The following TNRC6B variants were observed in gnomAD, a reference collection of about 807,000 sequenced individuals.
TNRC6B encodes the protein trinucleotide repeat-containing gene 6B protein.
TNRC6B carries 52 observed loss-of-function variants against 203.6 expected under a neutral mutation model. The ratio of observed to expected loss-of-function variants is 0.26; its 90% CI spans 0.20 to 0.32. The LOEUF (loss-of-function observed/expected upper bound fraction) is 0.32, where lower values mean the gene tolerates loss of function less well. Ranked by LOEUF, TNRC6B falls within the 10% of genes least tolerant of loss-of-function variation. The probability of loss-of-function intolerance (pLI) is 1.00; values close to 1 mark genes in which losing one functional copy is unlikely to be tolerated. For missense variants in TNRC6B, 1,923 were observed against 2,286.2 expected, an observed-to-expected ratio of 0.84 and a Z score of 3.24; for synonymous variants, 838 against 845.7, an observed-to-expected ratio of 0.99 and a Z score of 0.16.
At chr22:40,216,560 C>G (rs758047452) in intron 1 of TNRC6B, among the ~76,000 whole-genome samples, 7 of 152,088 alleles carry the variant, frequency 4.6e-5, no homozygotes, top group African/African-American at 9.7e-5. Flanking sequence ...TGTAGTGAGT[C>G]TAGATGGCGT....
chr22:40,079,074 CA>C (rs551541709), intron 1 of TNRC6B, among the ~76,000 whole-genome samples: 48 of 140,640 alleles, frequency 3.4e-4, no homozygotes, highest in Admixed American at 5.0e-4. Flanking sequence ...AACTCTGTCT[CA>C]AAAAAAAAAA....
intron 15 of TNRC6B, among the ~76,000 whole-genome samples, chr22:40,305,697 C>A (rs937714414): frequency 6.6e-6 from 1 of 152,084 alleles, no homozygotes; most frequent in Admixed American, 6.5e-5. Context: ...TTTCTCTTAC[C>A]CCTTGGATTA....
intron 5 of TNRC6B, among the ~76,000 whole-genome samples, chr22:40,267,881 G>C (rs2070502817): frequency 6.7e-6 from 1 of 149,006 alleles, no homozygotes; most frequent in Non-Finnish European, 1.5e-5. Flanking sequence ...AAAAAAAAAA[G>C]AGCGATTGTT....
In TNRC6B at chr22:40,325,316, A is replaced by C. The variant is rs2071388371; in HGVS notation, c.*2075A>C. On this transcript the variant is annotated 3_prime_UTR_variant, in exon 23 of 23. Coordinates refer to ENST00000454349, the MANE Select transcript of TNRC6B (RefSeq NM_001162501.2). Reference sequence around the variant, plus strand: ...TGTAGGTGGGTGGGTGGGTGTGTATAGGAAAAGCCTAAAACAAGTTATTTG... The same window carrying C: ...TGTAGGTGGGTGGGTGGGTGTGTATCGGAAAAGCCTAAAACAAGTTATTTG... The C allele has an allele frequency of 6.6e-6, 1 of 152,628 alleles. No homozygotes were observed. The highest frequency in any genetic ancestry group is 2.4e-5 in the African/African-American group (1 of 41,420). The allele number at this position is 152,628 out of a possible 1,614,324, so 9.5% of individuals were successfully genotyped here.
intron 15 of TNRC6B, among the ~76,000 whole-genome samples, 171 bp from the exon 16 acceptor site, chr22:40,308,341 T>C (rs1197616526): frequency 6.6e-6 from 1 of 152,226 alleles, no homozygotes; most frequent in East Asian, 1.9e-4. Context: ...ACATCACTTA[T>C]TTAGCGAGCA....
At chr22:40,272,333 A>G (rs917761715) in intron 6 of TNRC6B, among the ~76,000 whole-genome samples, 2 of 152,124 alleles carry the variant, frequency 1.3e-5, no homozygotes, top group African/African-American at 4.8e-5. Context: ...AGTTAGAAGA[A>G]ATTAATTGCC....
chr22:40,289,516 G>A (rs1379897777), intron 12 of TNRC6B, among the ~76,000 whole-genome samples: 1 of 152,114 alleles, frequency 6.6e-6, no homozygotes, highest in Admixed American at 6.6e-5. Context: ...CAGTGTATCA[G>A]CAGCATTTGA....
At position 40,178,071 on chromosome 22, in the gene TNRC6B, CT is replaced by C; in HGVS notation, c.-59del. The C allele has an allele frequency of 1.3e-6, 2 of 1,593,916 alleles. No individual in the cohort carries two copies. Among genetic ancestry groups the C allele is most frequent in the Admixed American group, 1.8e-5 (1 of 54,870 alleles). ...GACAAAAAGAATTCATTTTTTGGAC[CT>C]TTTTTCATTTCCATTTCTACCTTGT... is the stretch of plus-strand genomic sequence containing the variant. On this transcript the variant is annotated 5_prime_UTR_variant, in exon 1 of 23. Transcript: ENST00000454349.
rs577410322 is a variant in TNRC6B, at chr22:40,116,807, G to A, written c.-120-248G>A. ...CTTGCCTTTATTGAGCATGTGTTTG[G>A]TATCCTGCCCTGTACTAAGAGTTTT... On this transcript the variant is annotated intron_variant, in intron 1 of 23. Transcript: ENST00000301923. Among the ~76,000 whole-genome samples, 25 of 152,256 alleles carry A rather than the reference G, an allele frequency of 1.6e-4. No homozygotes were observed. The South Asian group carries it at 5.0e-3, about 30-fold the overall frequency.
intron 4 of TNRC6B, among the ~76,000 whole-genome samples, chr22:40,263,039 TAA>T (rs34886394): frequency 0.074 from 9,979 of 134,630 alleles, 426 homozygotes; most frequent in Middle Eastern, 0.14. Context: ...GACTCCGTCT[TAA>T]AAAAAAAAAA....
chr22:40,226,448 C>T (rs1211841360), intron 1 of TNRC6B, among the ~76,000 whole-genome samples: 1 of 152,098 alleles, frequency 6.6e-6, no homozygotes, highest in Non-Finnish European at 1.5e-5. Flanking sequence ...GCCCACCTGC[C>T]GTCAGATCAC....
chr22:40,101,345 C>T (rs184971757), intron 1 of TNRC6B, among the ~76,000 whole-genome samples: 3 of 152,250 alleles, frequency 2.0e-5, no homozygotes, highest in African/African-American at 4.8e-5. Flanking sequence ...AGAATCACCC[C>T]GAGGGCTTGT....
chr22:40,220,417 T>C (rs550715040), intron 1 of TNRC6B, among the ~76,000 whole-genome samples: 28 of 152,126 alleles, frequency 1.8e-4, no homozygotes, highest in Middle Eastern at 3.4e-3. Context: ...TCCCACCCCA[T>C]TGGGGTGCCT....
chr22:40,172,699 G>C (rs2069013639), intron 4 of TNRC6B, among the ~76,000 whole-genome samples: 1 of 152,162 alleles, frequency 6.6e-6, no homozygotes, highest in Admixed American at 6.5e-5. Context: ...AAAGTAGGAA[G>C]CTTTTCCTTT....
rs1285025132 is a variant in TNRC6B, at chr22:40,331,389, C to A, written c.*8148C>A. On this transcript the variant is annotated 3_prime_UTR_variant, in exon 23 of 23. Coordinates refer to ENST00000454349, the MANE Select transcript of TNRC6B (RefSeq NM_001162501.2). ...TCTTTATTTGTTTTTATGTTTTAAA[C>A]AATTTCACCTCTTCTCCCCACTCCT... 3 of 277,078 alleles carry A rather than the reference C, an allele frequency of 1.1e-5. No individual in the cohort carries two copies. The highest frequency in any genetic ancestry group is 6.5e-5 in the African/African-American group (3 of 46,344). The allele number at this position is 277,078 out of a possible 1,614,324, so 17.2% of individuals were successfully genotyped here.
intron 7 of TNRC6B, among the ~76,000 whole-genome samples, chr22:40,276,291 G>T (rs969538936): frequency 6.6e-6 from 1 of 151,266 alleles, no homozygotes; most frequent in African/African-American, 2.4e-5. Flanking sequence ...AGCTTGCAGT[G>T]AGTTGGGATG....
chr22:40,094,450 A>G (rs1173520661), intron 1 of TNRC6B, among the ~76,000 whole-genome samples: 2 of 152,122 alleles, frequency 1.3e-5, no homozygotes, highest in Non-Finnish European at 2.9e-5. Context: ...CAAGTACAGG[A>G]GAAAATACTG....
At position 40,316,068 on chromosome 22, in the gene TNRC6B, G is replaced by T. The variant is rs1036653450; in HGVS notation, c.4974+56G>T. On this transcript the variant is annotated intron_variant, in intron 21 of 22. Transcript: ENST00000454349. ...AGGACTTGATTGTATTAAGAGAGAG[G>T]GAAAGGTTGGGCATGGTGGCTCATG... 1.7e-5 allele frequency: 26 copies of T among 1,533,082 alleles called. No homozygotes were observed. The African/African-American group carries it at 3.4e-4, about 20-fold the overall frequency. 95.0% of individuals were successfully genotyped at this position (1,533,082 alleles called of 1,614,324 possible). A position where few individuals can be genotyped will look rare whatever the true frequency, so the allele number is the denominator to read the frequency against.
At chr22:40,292,387 C>A (rs955389416) in intron 12 of TNRC6B, among the ~76,000 whole-genome samples, 1 of 151,270 alleles carries the variant, frequency 6.6e-6, no homozygotes. Context: ...ACTGAAACTT[C>A]TAAGATTTGT....
Sources: allele counts gnomAD v4.1 joint callset (sites outside exome capture counted in the v4.1 genomes callset), GRCh38; gene constraint gnomAD v4.1.1; transcripts MANE v1.5; gene names NCBI Gene and HGNC (gene_info 2026-07-23, HGNC 2026-07-21).